Variants in PCDHA5 observed in about 807,000 individuals in gnomAD.
PCDHA5 encodes protocadherin alpha 5.
Under a neutral mutation model 61.6 loss-of-function variants are expected in PCDHA5, and 43 were observed. The observed-to-expected ratio is 0.70, with a 90% CI of 0.55 to 0.90. PCDHA5 has a LOEUF of 0.90. PCDHA5 is among the 40% of genes least tolerant of loss of function. The probability of loss-of-function intolerance (pLI) is 0.00; values close to 1 mark genes in which losing one functional copy is unlikely to be tolerated. For missense variants in PCDHA5, 1,298 were observed against 1,222.7 expected (o/e 1.06, Z -0.92); for synonymous variants, 627 against 543.9 (o/e 1.15, Z -2.13).
At chr5:140,909,065 A>G (rs1402526950) in intron 1 of PCDHA5, among the ~76,000 whole-genome samples, 3 of 152,218 alleles carry the variant, frequency 2.0e-5, no homozygotes, top group Admixed American at 6.5e-5. Flanking sequence ...TGTCTCACCA[A>G]TAAGCCCAGT....
rs189785800 is a variant in PCDHA5 at position 141,012,340 on chromosome 5, G to A, written c.*2403G>A. ...TTATTGCTAATAAATGAAAATGGTG[G>A]TATGAAAGAAATGGTGGTCATTTCT... On this transcript the variant is annotated 3_prime_UTR_variant, in exon 4 of 4. Transcript: ENST00000529859. The A allele has an allele frequency of 3.6e-4, 55 of 153,812 alleles. No homozygotes were observed. The East Asian group carries it at 9.6e-3, about 27-fold the overall frequency. 9.5% of individuals were successfully genotyped at this position (153,812 alleles called of 1,614,324 possible).
rs566522528 is a variant in PCDHA5, at chr5:140,881,283, A to C, written c.2352+57156A>C. On this transcript the variant is annotated intron_variant, in intron 1 of 3. Coordinates refer to ENST00000529859, the MANE Select transcript of PCDHA5 (RefSeq NM_018908.3). ...TCAGTGATGATGAAGTAAGATGGAG[A>C]GAGAAAATGGAAACTTTAACCTCCT... 1.3e-5 allele frequency: 10 copies of C among 799,388 alleles called. No homozygotes were observed. The African/African-American group carries it at 1.9e-4, about 15-fold the overall frequency. The allele number at this position is 799,388 out of a possible 1,614,324, so 49.5% of individuals were successfully genotyped here.
rs2150328350 is a variant in PCDHA5, at chr5:140,842,056, T to G, written c.2352+17929T>G. On this transcript the variant is annotated intron_variant, in intron 1 of 3. Transcript: ENST00000529859. ...ATAATGCTCCCACTTTCGAACAGTCTGAATACGAAGTAAGAATATTCGAAA... is the reference window on the plus strand; with the variant it reads ...ATAATGCTCCCACTTTCGAACAGTCGGAATACGAAGTAAGAATATTCGAAA... The G allele has an allele frequency of 3.7e-5, 59 of 1,613,726 alleles. 1 individual carries two copies. Among genetic ancestry groups the G allele is most frequent in the Non-Finnish European group, 4.6e-5 (54 of 1,179,870 alleles).
intron 1 of PCDHA5, chr5:140,856,177 C>G (rs200004763): frequency 6.3e-7 from 1 of 1,598,248 alleles, no homozygotes; most frequent in East Asian, 2.2e-5. Context: ...ACGGCACCTT[C>G]GTGGGCCGCA....
intron 1 of PCDHA5, among the ~76,000 whole-genome samples, chr5:140,950,918 G>C (rs1229704497): frequency 6.6e-6 from 1 of 151,584 alleles, no homozygotes; most frequent in African/African-American, 2.4e-5. Context: ...TTTTATTTCA[G>C]TTCTTTTTCT....
intron 3 of PCDHA5, among the ~76,000 whole-genome samples, chr5:140,994,778 G>A (rs1488910527): frequency 1.3e-5 from 2 of 152,152 alleles, no homozygotes; most frequent in Non-Finnish European, 2.9e-5. Flanking sequence ...TCCAGGCAAA[G>A]GAAACAATGC....
In PCDHA5 at chr5:140,876,147, T is replaced by A. The variant is rs183600546; in HGVS notation, c.2352+52020T>A. 4.3e-6 allele frequency: 7 copies of A among 1,613,994 alleles called. No individual in the cohort carries two copies. The Admixed American group carries it at 1.2e-4, about 27-fold the overall frequency. ...GCGGTAAACCAGAACTAACAGGGTC[T>A]GTCCAGATTCAAATAACCGTCCTGG... is the stretch of plus-strand genomic sequence containing the variant. On this transcript the variant is annotated intron_variant, in intron 1 of 3. Transcript: ENST00000529859.
intron 1 of PCDHA5, chr5:140,861,595 T>G (rs1195852387): frequency 1.9e-5 from 7 of 367,584 alleles, no homozygotes; most frequent in Admixed American, 8.8e-5. Context: ...GAGGTGAAAG[T>G]GAAGAACAAT....
intron 1 of PCDHA5, chr5:140,869,085 G>C (rs1223648721): frequency 6.3e-7 from 1 of 1,583,562 alleles, no homozygotes; most frequent in Non-Finnish European, 8.6e-7. Flanking sequence ...GCTTATTTTG[G>C]AAGCCAATTT....
Position 140,846,221 on chromosome 5 carries a change from A to C in PCDHA5, c.2352+22094A>C, listed in dbSNP as rs944343213. Among the ~76,000 whole-genome samples, 2 of 149,362 alleles carry C rather than the reference A, an allele frequency of 1.3e-5. 1 individual carries two copies. The highest frequency in any genetic ancestry group is 3.0e-5 in the Non-Finnish European group (2 of 66,804). On this transcript the variant is annotated intron_variant, in intron 1 of 3. Coordinates refer to ENST00000529859, the MANE Select transcript of PCDHA5 (RefSeq NM_018908.3). ...TGTATGAGATCTTTCCATTAATAGT[A>C]TTTTTCTTAAAAAGAAGTATACAAT... is the stretch of plus-strand genomic sequence containing the variant.
chr5:140,879,844 C>CCCATCTCAG (rs1554171035), intron 1 of PCDHA5, among the ~76,000 whole-genome samples: 1 of 152,194 alleles, frequency 6.6e-6, no homozygotes, highest in Admixed American at 6.5e-5. Flanking sequence ...CTGTACCACT[C>CCCATCTCAG]CCATCTCAGC....
At chr5:140,853,598 C>T (rs889899754) in intron 1 of PCDHA5, 2 of 986,878 alleles carry the variant, frequency 2.0e-6, no homozygotes, top group Non-Finnish European at 2.4e-6. Context: ...ACTTTGAGAG[C>T]AAAGGGGGTG....
chr5:140,988,193 A>G (rs528689173), intron 3 of PCDHA5, among the ~76,000 whole-genome samples: 4 of 152,192 alleles, frequency 2.6e-5, no homozygotes, highest in South Asian at 2.1e-4. Flanking sequence ...AGGTGTGTGC[A>G]TATCCTTATT....
At chr5:141,003,087 G>A (rs894210434) in intron 3 of PCDHA5, among the ~76,000 whole-genome samples, 4 of 152,198 alleles carry the variant, frequency 2.6e-5, no homozygotes, top group Non-Finnish European at 5.9e-5. Flanking sequence ...AGTTTAACAG[G>A]CCTGGCATTT....
chr5:140,894,569 C>CT (rs556288790), intron 1 of PCDHA5, among the ~76,000 whole-genome samples: 36 of 151,446 alleles, frequency 2.4e-4, no homozygotes, highest in African/African-American at 7.5e-4. Context: ...AATTATTTTC[C>CT]TTTTTTTTAA....
intron 1 of PCDHA5, chr5:140,843,774 A>G: frequency 6.9e-7 from 1 of 1,457,980 alleles, no homozygotes; most frequent in Non-Finnish European, 9.4e-7. Flanking sequence ...TAGTTACTTT[A>G]AAAGTGTTTC....
chr5:140,966,928 C>T (rs782034487), intron 1 of PCDHA5: 1 of 1,603,332 alleles, frequency 6.2e-7, no homozygotes, highest in South Asian at 1.1e-5. Context: ...AGCAGGCACC[C>T]GGCGCGCTCG....
intron 1 of PCDHA5, chr5:140,928,913 G>T (rs782438428): frequency 2.5e-6 from 4 of 1,614,132 alleles, no homozygotes; most frequent in Non-Finnish European, 2.5e-6. Flanking sequence ...TGGGAACCAG[G>T]AGGGCAGCTT....
chr5:140,990,296 T>C (rs1231552034), intron 3 of PCDHA5, among the ~76,000 whole-genome samples: 12 of 152,300 alleles, frequency 7.9e-5, no homozygotes, highest in African/African-American at 2.9e-4. Flanking sequence ...ATCGATGCCA[T>C]TGTCTGTAAA....
Sources: allele counts gnomAD v4.1 joint callset (sites outside exome capture counted in the v4.1 genomes callset), GRCh38; gene constraint gnomAD v4.1.1; transcripts MANE v1.5; gene names NCBI Gene and HGNC (gene_info 2026-07-23, HGNC 2026-07-21).